CHN1: variants seen among roughly 807,000 people sequenced by gnomAD.
CHN1 encodes N-chimaerin.
In CHN1, 37 loss-of-function variants were observed where a neutral mutation model predicts 59.5. That is an observed-to-expected ratio of 0.62 (90% confidence interval 0.48 to 0.82). The LOEUF (loss-of-function observed/expected upper bound fraction) is 0.82, where lower values mean the gene tolerates loss of function less well. CHN1 is among the 40% of genes least tolerant of loss of function. The pLI, the probability that CHN1 is intolerant of heterozygous loss-of-function variation, is 0.00. For missense variants in CHN1, 469 were observed against 571.0 expected (o/e 0.82, Z 1.82); for synonymous variants, 206 against 200.4 (o/e 1.03, Z -0.24).
intron 3 of CHN1, among the ~76,000 whole-genome samples, chr2:174,939,692 CATTTT>C (rs1223083103): frequency 6.6e-6 from 1 of 152,076 alleles, no homozygotes; most frequent in African/African-American, 2.4e-5. Context: ...CAAAATGAAA[CATTTT>C]ATTAAATAGC....
intron 1 of CHN1, among the ~76,000 whole-genome samples, chr2:174,958,516 G>A (rs1029928014): frequency 1.3e-5 from 2 of 152,106 alleles, no homozygotes; most frequent in South Asian, 2.1e-4. Flanking sequence ...AGGGCCTCCC[G>A]GAGATCATTC....
At chr2:174,955,981 C>A (rs1690191244) in intron 1 of CHN1, among the ~76,000 whole-genome samples, 1 of 152,172 alleles carries the variant, frequency 6.6e-6, no homozygotes, top group Non-Finnish European at 1.5e-5. Flanking sequence ...ACCTCAGCAT[C>A]ATGCAATATT....
At chr2:174,908,605 A>G (rs1029618091) in intron 5 of CHN1, among the ~76,000 whole-genome samples, 19 of 152,260 alleles carry the variant, frequency 1.2e-4, no homozygotes, top group African/African-American at 3.9e-4. Context: ...TTCGCAAAAT[A>G]CTTGTTTTTC....
At position 174,801,703 on chromosome 2, in the gene CHN1, T is replaced by C; in HGVS notation, c.1208+4A>G. On this transcript the variant is annotated splice_donor_region_variant and intron_variant, in intron 12 of 12. Transcript: ENST00000409900. Reference sequence around the variant, plus strand: ...AAGTGTAAGACTCAAAGTCTATAGCTTGCCTCTTTAGATGTGCCATGAGGT... The same window carrying C: ...AAGTGTAAGACTCAAAGTCTATAGCCTGCCTCTTTAGATGTGCCATGAGGT... 2 of 1,609,744 alleles carry C rather than the reference T, an allele frequency of 1.2e-6. No homozygotes were observed. Among genetic ancestry groups the C allele is most frequent in the Non-Finnish European group, 1.7e-6 (2 of 1,176,342 alleles).
chr2:174,936,634 T>C (rs896468911), intron 3 of CHN1, among the ~76,000 whole-genome samples: 43 of 152,244 alleles, frequency 2.8e-4, no homozygotes, highest in Non-Finnish European at 5.0e-4. Flanking sequence ...ATATACTGCA[T>C]TTCACTGAAT....
At position 174,890,954 on chromosome 2, in the gene CHN1, G is replaced by A. The variant is rs538349600; in HGVS notation, c.261-12826C>T. 3.3e-5 allele frequency among the ~76,000 whole-genome samples: 5 copies of A among 149,804 alleles called. No individual in the cohort carries two copies. In the South Asian group the frequency reaches 1.1e-3, roughly 32 times the overall value. On this transcript the variant is annotated intron_variant, in intron 5 of 12. Coordinates refer to ENST00000409900, the MANE Select transcript of CHN1 (RefSeq NM_001822.7). ...AAACTAACACGGTAGGGCTAACACG[G>A]TGAAACCCTGTCTCTACTAAAAATA... is the stretch of plus-strand genomic sequence containing the variant.
rs952752617 is a variant in CHN1 at position 174,873,879 on chromosome 2, A to G, written c.549+3961T>C. Reference sequence around the variant, plus strand: ...AAAAAATACACACACAGACACACATAGGTTATTTAGTGTGTCAAAGTTCCA... The same window carrying G: ...AAAAAATACACACACAGACACACATGGGTTATTTAGTGTGTCAAAGTTCCA... On this transcript the variant is annotated intron_variant, in intron 6 of 12. Coordinates refer to ENST00000409900, the MANE Select transcript of CHN1 (RefSeq NM_001822.7). 2.6e-5 allele frequency among the ~76,000 whole-genome samples: 4 copies of G among 152,132 alleles called. No homozygotes were observed. In the East Asian group the frequency reaches 5.8e-4, roughly 22 times the overall value.
In CHN1 at chr2:174,852,079, C is replaced by G. The variant is rs564686749; in HGVS notation, c.550-5122G>C. ...ATCACTTGAGGTCAGGAGTTTGAGA[C>G]CAGCCTGGCCAACATGATGAAACCC... On this transcript the variant is annotated intron_variant, in intron 6 of 12. Transcript: ENST00000409900. Among the ~76,000 whole-genome samples the G allele has an allele frequency of 7.9e-5, 12 of 151,866 alleles. No individual in the cohort carries two copies. In the South Asian group the frequency reaches 2.3e-3, roughly 29 times the overall value.
chr2:174,858,082 A>C (rs1440145138), intron 6 of CHN1, among the ~76,000 whole-genome samples: 1 of 152,128 alleles, frequency 6.6e-6, no homozygotes, highest in African/African-American at 2.4e-5. Context: ...GAGGCAATCT[A>C]GTATATCAAA....
chr2:174,905,939 T>C (rs935672974), intron 5 of CHN1, among the ~76,000 whole-genome samples: 1 of 152,106 alleles, frequency 6.6e-6, no homozygotes, highest in African/African-American at 2.4e-5. Flanking sequence ...TCACATATAC[T>C]AGGATGTCTA....
chr2:174,961,023 G>A (rs2105425056), intron 1 of CHN1, among the ~76,000 whole-genome samples: 1 of 150,436 alleles, frequency 6.6e-6, no homozygotes, highest in East Asian at 2.0e-4. Flanking sequence ...AGCTACACAG[G>A]AAACTGGGGT....
chr2:174,947,054 C>T (rs1015697707), intron 2 of CHN1, among the ~76,000 whole-genome samples: 9 of 151,986 alleles, frequency 5.9e-5, no homozygotes, highest in Non-Finnish European at 1.2e-4. Flanking sequence ...GAAAGTGCTG[C>T]CATCTATGAA....
chr2:174,943,550 T>A (rs1689736978), intron 3 of CHN1, among the ~76,000 whole-genome samples: 1 of 152,120 alleles, frequency 6.6e-6, no homozygotes. Context: ...AAATCATTTT[T>A]CTTTACCTTT....
At chr2:174,884,430 T>C (rs1221151793) in intron 5 of CHN1, among the ~76,000 whole-genome samples, 2 of 152,122 alleles carry the variant, frequency 1.3e-5, no homozygotes, top group Non-Finnish European at 2.9e-5. Flanking sequence ...AATAGTCCAG[T>C]AATTGCAAAT....
At chr2:174,824,614 C>CTA (rs149952097) in intron 7 of CHN1, 96 bp from the exon 8 acceptor site, 13,806 of 442,944 alleles carry the variant, frequency 0.031, 54 homozygotes, top group African/African-American at 0.047. Context: ...GCCACATATT[C>CTA]TATATATATA....
intron 5 of CHN1, among the ~76,000 whole-genome samples, chr2:174,892,189 T>C (rs548352378): frequency 1.3e-5 from 2 of 152,288 alleles, no homozygotes; most frequent in South Asian, 4.1e-4. Flanking sequence ...ATAATTGCCA[T>C]TCCTTCTCAA....
At chr2:174,890,300 A>G (rs763251486) in intron 5 of CHN1, among the ~76,000 whole-genome samples, 1 of 152,208 alleles carries the variant, frequency 6.6e-6, no homozygotes, top group Non-Finnish European at 1.5e-5. Context: ...ATAGACTTTT[A>G]CTAAGTAAAA....
At position 174,923,331 on chromosome 2, in the gene CHN1, G is replaced by A. The variant is rs930391715; in HGVS notation, c.115-4766C>T. Among the ~76,000 whole-genome samples, 9 of 152,104 alleles carry A rather than the reference G, an allele frequency of 5.9e-5. No homozygotes were observed. The South Asian group carries it at 1.2e-3, about 21-fold the overall frequency. ...AATTTTTTGTATTTTTAGTAGAGAC[G>A]GGGTTTCACCGTGTTAGCCAGGATG... On this transcript the variant is annotated intron_variant, in intron 3 of 12. Coordinates refer to ENST00000409900, the MANE Select transcript of CHN1 (RefSeq NM_001822.7).
intron 5 of CHN1, among the ~76,000 whole-genome samples, chr2:174,899,583 A>G (rs1688324569): frequency 6.6e-6 from 1 of 152,218 alleles, no homozygotes. Context: ...ATATAACATA[A>G]TATTCTCAAT....
Sources: gnomAD v4.1 joint callset for allele counts (sites outside exome capture counted in the v4.1 genomes callset) on GRCh38, gnomAD v4.1.1 for gene constraint, MANE v1.5 for transcripts, NCBI Gene and HGNC (gene_info 2026-07-23, HGNC 2026-07-21) for gene names.